The following PLA2R1 variants were observed in gnomAD, a reference collection of about 807,000 sequenced individuals.
The protein encoded by PLA2R1 is phospholipase A2 receptor 1, also known as secretory phospholipase A2 receptor.
A neutral mutation model predicts 195.9 loss-of-function variants in PLA2R1; 158 were observed. The ratio of observed to expected loss-of-function variants is 0.81; its 90% CI spans 0.71 to 0.92. PLA2R1 has a LOEUF of 0.92. Ranked by LOEUF, PLA2R1 falls within the 40% of genes least tolerant of loss-of-function variation. The probability of loss-of-function intolerance (pLI) is 0.00; values close to 1 mark genes in which losing one functional copy is unlikely to be tolerated. For missense variants in PLA2R1, 1,626 were observed against 1,764.6 expected, an observed-to-expected ratio of 0.92 and a Z score of 1.41; for synonymous variants, 586 against 598.2, an observed-to-expected ratio of 0.98 and a Z score of 0.30.
the PLA2R1 span, among the ~76,000 whole-genome samples, chr2:159,924,119 A>G: frequency 6.6e-6 from 1 of 152,116 alleles, no homozygotes; most frequent in Non-Finnish European, 1.5e-5. Context: ...TGGCTGCATA[A>G]GCAGAATCTT....
chr2:160,015,127 A>C (rs1573898907), intron 9 of PLA2R1, among the ~76,000 whole-genome samples: 1 of 152,224 alleles, frequency 6.6e-6, no homozygotes, highest in East Asian at 1.9e-4. Context: ...GGGAAGGATA[A>C]CTGATTATAT....
chr2:160,047,638 G>T (rs1301543484), intron 1 of PLA2R1, among the ~76,000 whole-genome samples: 2 of 152,196 alleles, frequency 1.3e-5, no homozygotes, highest in African/African-American at 4.8e-5. Flanking sequence ...TGTGTGCAAT[G>T]ATGAATTAAG....
At position 159,979,881 on chromosome 2, in the gene PLA2R1, A is replaced by G. The variant is rs957551983; in HGVS notation, c.2217T>C (p.Asn739=). 1.9e-6 allele frequency: 3 copies of G among 1,607,504 alleles called. No individual in the cohort carries two copies. Among genetic ancestry groups the G allele is most frequent in the South Asian group, 1.1e-5 (1 of 90,836 alleles). Residue 739 remains asparagine, a synonymous_variant, in exon 14 of 30, where the codon AAT becomes AAC. Coordinates refer to ENST00000283243, the MANE Select transcript of PLA2R1 (RefSeq NM_007366.5). The part of the protein sequence containing the change: ...TEERQFWIGF[N]KRNPLNAGSW... ...AGCCGGCATTCAGTGGGTTTCTTTT[A>G]TTAAATCCAATCCAGAACTGCCTTT...
At chr2:160,022,069 T>C (rs1693165782) in intron 7 of PLA2R1, among the ~76,000 whole-genome samples, 1 of 152,202 alleles carries the variant, frequency 6.6e-6, no homozygotes, top group Non-Finnish European at 1.5e-5. Flanking sequence ...CCTGGACATT[T>C]TTTTGTATTT....
intron 1 of PLA2R1, among the ~76,000 whole-genome samples, chr2:160,060,498 G>A (rs898090511): frequency 5.3e-5 from 8 of 152,212 alleles, no homozygotes; most frequent in South Asian, 4.1e-4. Context: ...GTGCCTGTGC[G>A]AGGAATGGTA....
At chr2:159,947,010 G>T in intron 26 of PLA2R1, 93 bp from the exon 27 acceptor site, 1 of 800,356 alleles carries the variant, frequency 1.2e-6, no homozygotes, top group Non-Finnish European at 2.0e-6. Flanking sequence ...TAAAGCTCAG[G>T]TTTTGAAAAG....
intron 10 of PLA2R1, 66 bp from the exon 11 acceptor site, chr2:160,005,887 A>T: frequency 1.8e-6 from 2 of 1,088,496 alleles, no homozygotes; most frequent in Non-Finnish European, 2.8e-6. Flanking sequence ...TCATTAAAGC[A>T]TAATGAAGTG....
At chr2:160,039,524 T>A (rs1005507057) in intron 3 of PLA2R1, among the ~76,000 whole-genome samples, 3 of 152,264 alleles carry the variant, frequency 2.0e-5, no homozygotes, top group East Asian at 3.9e-4. Context: ...TTTAAAAAAA[T>A]TTCCCACATA....
chr2:160,058,242 ACC>A (rs1695700955), intron 1 of PLA2R1, among the ~76,000 whole-genome samples: 1 of 152,104 alleles, frequency 6.6e-6, no homozygotes, highest in East Asian at 1.9e-4. Context: ...ATCAGCCCCT[ACC>A]CCTCTTTCCG....
intron 20 of PLA2R1, among the ~76,000 whole-genome samples, chr2:159,964,745 G>T (rs1688673895): frequency 6.6e-6 from 1 of 151,912 alleles, no homozygotes; most frequent in South Asian, 2.1e-4. Flanking sequence ...TTTTTAAAGA[G>T]CAGTTTTAGG....
chr2:159,987,331 C>T lies in PLA2R1; in HGVS notation c.1862G>A (p.Arg621Gln), dbSNP rs1489498524. ...PRYSGGCVAM[R>Q]GRHPLGRWEV... ...CCAGCGACCAAGTGGATGCCTTCCT[C>T]GCATGGCAACACAGCCACCACTGTA... Residue 621 changes from arginine to glutamine, a missense_variant, in exon 12 of 30, where the codon CGA becomes CAA. By Grantham distance (43) the Arg-to-Gln change is conservative. Coordinates refer to ENST00000283243, the MANE Select transcript of PLA2R1 (RefSeq NM_007366.5). 9.9e-6 allele frequency: 16 copies of T among 1,611,528 alleles called. No homozygotes were observed. Among genetic ancestry groups the T allele is most frequent in the African/African-American group, 8.0e-5 (6 of 74,862 alleles).
chr2:160,036,732 C>T (rs2105551428), intron 3 of PLA2R1, among the ~76,000 whole-genome samples: 1 of 152,294 alleles, frequency 6.6e-6, no homozygotes, highest in South Asian at 2.1e-4. Flanking sequence ...CAGTACTTTT[C>T]AACTCCTAGC....
chr2:160,044,649 TAGC>T, intron 2 of PLA2R1, 122 bp downstream of exon 2: 1 of 763,470 alleles, frequency 1.3e-6, no homozygotes, highest in Non-Finnish European at 2.1e-6. Context: ...AAAATGTATT[TAGC>T]AGAAGTCCCT....
At chr2:159,930,079 A>G (rs897574596), downstream of PLA2R1, among the ~76,000 whole-genome samples, 52 of 152,178 alleles carry the variant, frequency 3.4e-4, 2 homozygotes, top group African/African-American at 7.2e-5. Flanking sequence ...TTGGGGACTC[A>G]GGGGGAAGGG....
At chr2:159,955,969 C>G in intron 21 of PLA2R1, 141 bp from the exon 22 acceptor site, 1 of 508,816 alleles carries the variant, frequency 2.0e-6, no homozygotes, top group Non-Finnish European at 3.4e-6. Context: ...GTTACTTTAT[C>G]CTTGTTAAGG....
chr2:160,027,113 A>G lies in PLA2R1; in HGVS notation c.1099+1105T>C, dbSNP rs141218424. ...CCATTGCACTCCAGCCTGGGCCACA[A>G]AAGCAAGACTTCAATCAATCCACAG... On this transcript the variant is annotated intron_variant, in intron 6 of 29. Coordinates refer to ENST00000283243, the MANE Select transcript of PLA2R1 (RefSeq NM_007366.5). Among the ~76,000 whole-genome samples the G allele has an allele frequency of 1.3e-4, 20 of 152,330 alleles. No homozygotes were observed. In the East Asian group the frequency reaches 3.7e-3, roughly 28 times the overall value.
At chr2:159,977,231 C>G (rs1467026823) in intron 15 of PLA2R1, 53 bp downstream of exon 15, 1 of 1,392,236 alleles carries the variant, frequency 7.2e-7, no homozygotes, top group East Asian at 2.3e-5. Context: ...TGGGAAAGTA[C>G]TAGAGATTAT....
At chr2:160,033,250 T>G in intron 3 of PLA2R1, 118 bp from the exon 4 acceptor site, 1 of 677,664 alleles carries the variant, frequency 1.5e-6, no homozygotes, top group Non-Finnish European at 2.4e-6. Flanking sequence ...TTCAGGGCCT[T>G]ATCTATTCTT....
At chr2:159,927,048 G>A (rs1268935358), downstream of PLA2R1, among the ~76,000 whole-genome samples, 2 of 152,180 alleles carry the variant, frequency 1.3e-5, no homozygotes, top group Non-Finnish European at 2.9e-5. Flanking sequence ...TAGAGGGCAA[G>A]GACACCAAGG....
Sources: gnomAD v4.1 joint callset for allele counts (sites outside exome capture counted in the v4.1 genomes callset) on GRCh38, gnomAD v4.1.1 for gene constraint, MANE v1.5 for transcripts, NCBI Gene and HGNC (gene_info 2026-07-23, HGNC 2026-07-21) for gene names.